The following LRRC17 variants were observed in gnomAD, a reference collection of about 807,000 sequenced individuals.
LRRC17 encodes the protein leucine rich repeat containing 17, also known as leucine-rich repeat-containing protein 17.
A neutral mutation model predicts 41.5 loss-of-function variants in LRRC17; 33 were observed. That is an observed-to-expected ratio of 0.80 (90% CI 0.60 to 1.06). The LOEUF is 1.06. Among genes scored for constraint, LRRC17 ranks in the 50% least tolerant of loss-of-function variants. LRRC17 has a pLI of 0.00. For synonymous variants in LRRC17, 192 were observed against 197.0 expected, an observed-to-expected ratio of 0.97 and a Z score of 0.21; for missense variants, 491 against 519.3, an observed-to-expected ratio of 0.95 and a Z score of 0.53.
At chr7:102,928,124 TG>T (rs1204605224) in intron 1 of LRRC17, among the ~76,000 whole-genome samples, 1 of 152,208 alleles carries the variant, frequency 6.6e-6, no homozygotes, top group Non-Finnish European at 1.5e-5. Flanking sequence ...TGCATTTTCC[TG>T]TCTAAAGAAG....
At chr7:102,934,775 G>T (rs1044855674) in intron 2 of LRRC17, 90 bp downstream of exon 2, 2 of 1,175,076 alleles carry the variant, frequency 1.7e-6, no homozygotes, top group African/African-American at 3.1e-5. Flanking sequence ...CCATGTCTTG[G>T]AATTCGTGAT....
intron 1 of LRRC17, among the ~76,000 whole-genome samples, chr7:102,931,483 C>G (rs142060874): frequency 6.6e-6 from 1 of 152,258 alleles, no homozygotes; most frequent in African/African-American, 2.4e-5. Context: ...AGACTGGAGA[C>G]AGGAACCAGG....
chr7:102,942,191 T>C, intron 3 of LRRC17: 1 of 842,276 alleles, frequency 1.2e-6, no homozygotes, highest in Non-Finnish European at 1.9e-6. Flanking sequence ...GCCAAGCACT[T>C]TCCTAGAACA....
In LRRC17 at chr7:102,934,124, A is replaced by C. The variant is rs1819789760; in HGVS notation, c.211A>C (p.Lys71Gln). Residue 71 changes from lysine (K) to glutamine (Q), a missense_variant, in exon 2 of 4, where the codon AAA (lysine) becomes CAA (glutamine). Transcript: ENST00000339431. The part of the protein sequence containing the change: ...HEKYLDCQER[K>Q]LVYVLPGWPQ... ...GAAATACTTAGATTGTCAAGAAAGA[A>C]AATTAGTTTATGTGCTGCCTGGTTG... is the stretch of plus-strand genomic sequence containing the variant. 2 of 1,613,974 alleles carry C rather than the reference A, an allele frequency of 1.2e-6. No homozygotes were observed. The highest frequency in any genetic ancestry group is 1.7e-6 in the Non-Finnish European group (2 of 1,179,934).
intron 2 of LRRC17, among the ~76,000 whole-genome samples, chr7:102,935,951 A>G (rs1820222714): frequency 6.6e-6 from 1 of 152,106 alleles, no homozygotes; most frequent in African/African-American, 2.4e-5. Flanking sequence ...GAATTTATTA[A>G]TGTTGTCAGG....
chr7:102,926,424 C>T (rs1818149443), intron 1 of LRRC17: 1 of 1,399,946 alleles, frequency 7.1e-7, no homozygotes, highest in Non-Finnish European at 9.9e-7. Context: ...GCAGGCTTTG[C>T]AATTTCCCCA....
chr7:102,936,445 A>G (rs1434135970), intron 2 of LRRC17: 1 of 152,250 alleles, frequency 6.6e-6, no homozygotes, highest in Non-Finnish European at 1.5e-5. Context: ...CTGTCTCAGC[A>G]ATGCAACCAT....
At chr7:102,914,217 C>T (rs551368072) in intron 1 of LRRC17, among the ~76,000 whole-genome samples, 61 of 152,162 alleles carry the variant, frequency 4.0e-4, no homozygotes, top group African/African-American at 6.8e-4. Flanking sequence ...GGATTACAGG[C>T]GCGTGCCAAC....
intron 1 of LRRC17, among the ~76,000 whole-genome samples, chr7:102,921,142 AC>A (rs916039697): frequency 7.2e-5 from 11 of 152,030 alleles, no homozygotes; most frequent in African/African-American, 2.7e-4. Context: ...ACAGGGCGAG[AC>A]TCCGTCTCAA....
chr7:102,936,024 C>A (rs1265644326), intron 2 of LRRC17, among the ~76,000 whole-genome samples: 2 of 152,044 alleles, frequency 1.3e-5, no homozygotes, highest in African/African-American at 2.4e-5. Context: ...CCTTGCCCCA[C>A]TGCCCCGCTC....
chr7:102,930,575 T>G (rs1418319792), intron 1 of LRRC17, among the ~76,000 whole-genome samples: 1 of 152,232 alleles, frequency 6.6e-6, no homozygotes, highest in Non-Finnish European at 1.5e-5. Context: ...AAATCTACAA[T>G]GCATTGTTCA....
intron 1 of LRRC17, among the ~76,000 whole-genome samples, chr7:102,926,570 C>T (rs978310306): frequency 3.3e-5 from 5 of 152,280 alleles, no homozygotes; most frequent in African/African-American, 1.2e-4. Flanking sequence ...CATCATTACT[C>T]CCTCCTTTTC....
At chr7:102,926,810 C>T (rs1193392152) in intron 1 of LRRC17, among the ~76,000 whole-genome samples, 1 of 152,156 alleles carries the variant, frequency 6.6e-6, no homozygotes, top group Non-Finnish European at 1.5e-5. Flanking sequence ...TAGTAACAGT[C>T]CATATTTATA....
chr7:102,914,980 A>G (rs2129469359), intron 1 of LRRC17, among the ~76,000 whole-genome samples: 1 of 152,286 alleles, frequency 6.6e-6, no homozygotes, highest in South Asian at 2.1e-4. Context: ...AGGAGTTGTG[A>G]GGCAGGCCGC....
At position 102,913,086 on chromosome 7, in the gene LRRC17, C is replaced by T. The variant is rs774095822; in HGVS notation, c.-200C>T. The T allele has an allele frequency of 1.1e-5, 17 of 1,614,100 alleles. No individual in the cohort carries two copies. The highest frequency in any genetic ancestry group is 1.4e-5 in the Non-Finnish European group (17 of 1,179,994). On this transcript the variant is annotated 5_prime_UTR_variant, in exon 1 of 4. Transcript: ENST00000339431. ...GCAAAGAGAAGACTGAAAGACAAACCTGGGTGCAGCCAGAGAGGTCCAGAT... is the reference window on the plus strand; with the variant it reads ...GCAAAGAGAAGACTGAAAGACAAACTTGGGTGCAGCCAGAGAGGTCCAGAT...
chr7:102,924,728 G>A (rs1247570920), intron 1 of LRRC17, among the ~76,000 whole-genome samples: 2 of 142,672 alleles, frequency 1.4e-5, no homozygotes, highest in East Asian at 2.1e-4. Context: ...TGCAAGCTCC[G>A]CCTCCTGGGT....
Position 102,913,119 on chromosome 7 carries a change from CT to C in LRRC17, c.-165del, listed in dbSNP as rs1367583649. On this transcript the variant is annotated 5_prime_UTR_variant, in exon 1 of 4. It introduces an in-frame stop codon into an upstream open reading frame of the 5' UTR. Transcript: ENST00000339431. ...AGCCAGAGAGGTCCAGATAGATGAG[CT>C]TGTGGCATCCATTCCCCAAGTTCAG... 1 of 1,614,070 alleles carries C rather than the reference CT, an allele frequency of 6.2e-7. No individual in the cohort carries two copies. The highest frequency in any genetic ancestry group is 8.5e-7 in the Non-Finnish European group (1 of 1,180,040).
chr7:102,920,091 T>C (rs1003819789), intron 1 of LRRC17, among the ~76,000 whole-genome samples: 11 of 152,172 alleles, frequency 7.2e-5, no homozygotes, highest in African/African-American at 1.7e-4. Context: ...AGAGGGACAA[T>C]TGAAGTGTAT....
In LRRC17 at chr7:102,944,538, T is replaced by C. The variant is rs773911064; in HGVS notation, c.1257T>C (p.Asp419=). ...CATTTGACCAAGACACAGAAGATGA[T>C]GAATGGGAAAAAAAACATAGAGATC... is the stretch of plus-strand genomic sequence containing the variant. The part of the protein sequence containing the change: ...PESFDQDTED[D]EWEKKHRDHT... Residue 419 remains aspartate, a synonymous_variant, in exon 4 of 4, where the codon GAT becomes GAC. Coordinates refer to ENST00000339431, the MANE Select transcript of LRRC17 (RefSeq NM_001031692.3). 2 of 1,613,166 alleles carry C rather than the reference T, an allele frequency of 1.2e-6. No homozygotes were observed. Among genetic ancestry groups the C allele is most frequent in the South Asian group, 2.2e-5 (2 of 90,844 alleles).
Sources: gnomAD v4.1 joint callset for allele counts (sites outside exome capture counted in the v4.1 genomes callset) on GRCh38, gnomAD v4.1.1 for gene constraint, MANE v1.5 for transcripts, NCBI Gene and HGNC (gene_info 2026-07-23, HGNC 2026-07-21) for gene names.